Variants in ZSCAN5A observed in about 807,000 individuals in gnomAD.
ZSCAN5A encodes zinc finger and SCAN domain containing 5A.
Under a neutral mutation model 23.7 loss-of-function variants are expected in ZSCAN5A, and 12 were observed. That is an observed-to-expected ratio of 0.51 (90% CI 0.32 to 0.82). The LOEUF (loss-of-function observed/expected upper bound fraction) is 0.82. Ranked by LOEUF, ZSCAN5A falls within the 40% of genes least tolerant of loss-of-function variation. ZSCAN5A has a pLI of 0.03. For synonymous variants in ZSCAN5A, 257 were observed against 239.9 expected (o/e 1.07, Z -0.66); for missense variants, 597 against 617.9 (o/e 0.97, Z 0.36).
chr19:56,347,603 A>G (rs947834222), intron 2 of ZSCAN5A: 3 of 152,188 alleles, frequency 2.0e-5, no homozygotes, highest in Admixed American at 6.5e-5. Flanking sequence ...AACTGTCTAT[A>G]ATGGACCAAA....
rs541954467 is a variant in ZSCAN5A at position 56,222,188 on chromosome 19, T to C, written c.878A>G (p.Asn293Ser). 4.0e-5 allele frequency: 64 copies of C among 1,614,062 alleles called. 2 individuals are homozygous for C. Among genetic ancestry groups the C allele is most frequent in the African/African-American group, 3.9e-4 (29 of 75,030 alleles). The change falls in exon 6 of 6, where the codon AAT becomes AGT. Residue 293 changes from asparagine to serine, a missense_variant. Asn to Ser is a conservative substitution (Grantham distance 46). Coordinates refer to ENST00000683990, the MANE Select transcript of ZSCAN5A (RefSeq NM_001322064.3). ...TTTGCTTCTTTTGGGACTGCTCAGA[T>C]TCAGAGCGTCTCCTCTGTTCCCGCT... ...THSGNRGDAL[N>S]LSSPKRSKPD...
chr19:56,231,727 C>T (rs1005717481), intron 2 of ZSCAN5A, among the ~76,000 whole-genome samples: 29 of 152,298 alleles, frequency 1.9e-4, no homozygotes, highest in South Asian at 2.1e-4. Flanking sequence ...TACAGTTTAG[C>T]AGCATTTGGT....
At chr19:56,263,382 C>T (rs1003175712) in intron 2 of ZSCAN5A, 1 of 152,162 alleles carries the variant, frequency 6.6e-6, no homozygotes, top group East Asian at 1.9e-4. Context: ...AAAGCCAGAG[C>T]TTTGGGATCC....
intron 2 of ZSCAN5A, among the ~76,000 whole-genome samples, chr19:56,261,839 T>C (rs1339090486): frequency 1.3e-5 from 2 of 152,246 alleles, no homozygotes; most frequent in Non-Finnish European, 2.9e-5. Flanking sequence ...TGTTTGTTTA[T>C]TGAGGTATAA....
Position 56,352,493 on chromosome 19 carries a change from T to C in ZSCAN5A, c.-358+10742A>G, listed in dbSNP as rs923994198. Among the ~76,000 whole-genome samples the C allele has an allele frequency of 6.6e-6, 1 of 152,146 alleles. No homozygotes were observed. On this transcript the variant is annotated intron_variant, in intron 2 of 6. Transcript: ENST00000587340. The surrounding 1 kb of genome is among the most constrained non-coding windows in gnomAD (Gnocchi z 4.2). ...ATGCTGAGCGTGAATGTGAGACTGT[T>C]AGATGTAAAAGAAAAAATATTCTGA... is the stretch of plus-strand genomic sequence containing the variant.
At chr19:56,277,465 C>T (rs1025457198) in intron 2 of ZSCAN5A, among the ~76,000 whole-genome samples, 2 of 148,666 alleles carry the variant, frequency 1.3e-5, no homozygotes, top group South Asian at 2.1e-4. Context: ...TTCCGTTTAC[C>T]GTATATGAAA....
intron 2 of ZSCAN5A, among the ~76,000 whole-genome samples, chr19:56,344,936 G>A (rs1311455991): frequency 0.081 from 7,226 of 89,224 alleles, 123 homozygotes; most frequent in South Asian, 0.13. Flanking sequence ...AAAAAAAAAA[G>A]AAAAAAAAGA....
intron 2 of ZSCAN5A, among the ~76,000 whole-genome samples, chr19:56,328,073 C>T (rs1456662744): frequency 6.6e-6 from 1 of 152,084 alleles, no homozygotes; most frequent in East Asian, 1.9e-4. Context: ...TGGTAGTGGT[C>T]ATGTATGGGA....
At chr19:56,253,317 G>A (rs1156953108) in intron 2 of ZSCAN5A, among the ~76,000 whole-genome samples, 1 of 151,492 alleles carries the variant, frequency 6.6e-6, no homozygotes, top group East Asian at 1.9e-4. Flanking sequence ...AGCAACAGAA[G>A]GTGGGCAGGG....
At chr19:56,362,878 A>G (rs891124448) in intron 2 of ZSCAN5A, among the ~76,000 whole-genome samples, 10 of 152,144 alleles carry the variant, frequency 6.6e-5, no homozygotes, top group Non-Finnish European at 1.5e-4. Flanking sequence ...CTCAAAAAAA[A>G]AAAAAAAAGG....
chr19:56,285,006 A>T, intron 2 of ZSCAN5A: 4 of 985,398 alleles, frequency 4.1e-6, no homozygotes, highest in Non-Finnish European at 4.8e-6. Context: ...AGGTCTCATG[A>T]GCAGACTGTC....
At chr19:56,358,611 C>A (rs1202937593) in intron 2 of ZSCAN5A, among the ~76,000 whole-genome samples, 5 of 152,294 alleles carry the variant, frequency 3.3e-5, no homozygotes, top group Admixed American at 6.5e-5. Context: ...CCACCCAAAA[C>A]CAACAGAACA....
intron 2 of ZSCAN5A, among the ~76,000 whole-genome samples, chr19:56,231,991 C>CTTTTTTT (rs1357492276): frequency 2.9e-5 from 1 of 34,340 alleles, no homozygotes; most frequent in African/African-American, 1.2e-4. Context: ...TTCTTTTTTT[C>CTTTTTTT]TTTTCTTTTT....
At chr19:56,353,547 ATCAGGAGG>A (rs767483988) in intron 2 of ZSCAN5A, among the ~76,000 whole-genome samples, 59 of 152,198 alleles carry the variant, frequency 3.9e-4, no homozygotes, top group East Asian at 1.4e-3. Flanking sequence ...AGGCGGGCGA[ATCAGGAGG>A]TCAGGAGGTC....
chr19:56,285,100 T>C (rs2039005979), intron 2 of ZSCAN5A: 2 of 781,554 alleles, frequency 2.6e-6, no homozygotes, highest in African/African-American at 3.8e-5. Flanking sequence ...TTGAGTCATT[T>C]ATGCTTTTAG....
intron 2 of ZSCAN5A, among the ~76,000 whole-genome samples, chr19:56,336,884 G>T (rs1397713179): frequency 2.6e-5 from 4 of 152,164 alleles, no homozygotes; most frequent in Non-Finnish European, 5.9e-5. Context: ...AGCAGCAGTG[G>T]CTGCAGAACA....
intron 2 of ZSCAN5A, chr19:56,245,303 G>C (rs1399456306): frequency 1.4e-6 from 1 of 737,548 alleles, no homozygotes; most frequent in South Asian, 1.4e-5. Flanking sequence ...CAGTGTCAGA[G>C]ATGATCCGAG....
At chr19:56,265,256 G>A (rs1236373823) in intron 2 of ZSCAN5A, among the ~76,000 whole-genome samples, 1 of 151,292 alleles carries the variant, frequency 6.6e-6, no homozygotes, top group Admixed American at 6.6e-5. Flanking sequence ...TCCTAGCACA[G>A]GGCACTCCCA....
In ZSCAN5A at chr19:56,300,449, G is replaced by T. The variant is rs377434304; in HGVS notation, c.-128+12834C>A. Among the ~76,000 whole-genome samples the T allele has an allele frequency of 7.2e-5, 11 of 152,312 alleles. No homozygotes were observed. In the South Asian group the frequency reaches 2.3e-3, roughly 32 times the overall value. On this transcript the variant is annotated intron_variant, in intron 2 of 5. Coordinates refer to ENST00000683990, the MANE Select transcript of ZSCAN5A (RefSeq NM_001322064.3). Reference sequence around the variant, plus strand: ...AACTTCTAGTATCTTTATCACAGGAGGTAGATTTGCTACTTGGGGTGAGGT... The same window carrying T: ...AACTTCTAGTATCTTTATCACAGGATGTAGATTTGCTACTTGGGGTGAGGT...
Sources: gnomAD v4.1 joint callset for allele counts (sites outside exome capture counted in the v4.1 genomes callset) on GRCh38, gnomAD v4.1.1 for gene constraint, Gnocchi (gnomAD v3.1) non-coding constraint, MANE v1.5 for transcripts, NCBI Gene and HGNC (gene_info 2026-07-23, HGNC 2026-07-21) for gene names.